Variants in PLS1 observed in about 807,000 individuals in gnomAD.
The protein encoded by PLS1 is plastin 1, also known as plastin-1.
Under a neutral mutation model 73.7 loss-of-function variants are expected in PLS1, and 32 were observed. That is an observed-to-expected ratio of 0.43 (90% CI 0.33 to 0.58). PLS1 has a LOEUF of 0.58. PLS1 is among the 20% of genes least tolerant of loss of function. The pLI is 0.04. For missense variants in PLS1, 633 were observed against 740.5 expected (o/e 0.85, Z 1.68); for synonymous variants, 217 against 261.3 (o/e 0.83, Z 1.63).
intron 6 of PLS1, among the ~76,000 whole-genome samples, chr3:142,679,301 T>G (rs1318203942): frequency 2.1e-4 from 31 of 150,240 alleles, no homozygotes; most frequent in Non-Finnish European, 4.2e-4. Flanking sequence ...GTCAATTTTG[T>G]CTTTTGTTGC....
rs1933200152 is a variant in PLS1 at position 142,712,874 on chromosome 3, T to C, written c.*867T>C. ...TATCTGATACATTAAGATTTCTTTT[T>C]ATAAGTATTCATTTTGAATGTGCAT... On this transcript the variant is annotated 3_prime_UTR_variant, in exon 16 of 16. Coordinates refer to ENST00000457734, the MANE Select transcript of PLS1 (RefSeq NM_001145319.2). 6.6e-6 allele frequency: 1 copy of C among 152,602 alleles called. No homozygotes were observed. Among genetic ancestry groups the C allele is most frequent in the Non-Finnish European group, 1.5e-5 (1 of 67,986 alleles). 9.5% of individuals were successfully genotyped at this position (152,602 alleles called of 1,614,324 possible). A position where few individuals can be genotyped will look rare whatever the true frequency, so the allele number is the denominator to read the frequency against.
chr3:142,606,324 A>C (rs2036017149), intron 1 of PLS1, among the ~76,000 whole-genome samples: 1 of 152,192 alleles, frequency 6.6e-6, no homozygotes, highest in Non-Finnish European at 1.5e-5. Flanking sequence ...TAAGGGTATT[A>C]CTAAAGCAAG....
At chr3:142,631,325 C>T (rs958611515) in intron 1 of PLS1, among the ~76,000 whole-genome samples, 1 of 151,828 alleles carries the variant, frequency 6.6e-6, no homozygotes, top group Non-Finnish European at 1.5e-5. Context: ...ATCAGTCTGG[C>T]CAACATGGTG....
intron 14 of PLS1, among the ~76,000 whole-genome samples, chr3:142,706,179 A>C (rs901334760): frequency 1.3e-5 from 2 of 152,234 alleles, no homozygotes; most frequent in African/African-American, 4.8e-5. Context: ...AGAAAAAGGC[A>C]TAAAGTATAG....
chr3:142,692,520 A>C (rs1225258197), intron 10 of PLS1, among the ~76,000 whole-genome samples: 1 of 152,130 alleles, frequency 6.6e-6, no homozygotes, highest in Non-Finnish European at 1.5e-5. Context: ...ATTTACCAAG[A>C]CACTTTGAAA....
chr3:142,659,167 G>A (rs997595258), intron 1 of PLS1, among the ~76,000 whole-genome samples: 5 of 152,120 alleles, frequency 3.3e-5, no homozygotes, highest in South Asian at 4.2e-4. Context: ...ATTTCTAGAC[G>A]AGGAAGAATA....
At chr3:142,634,051 C>T (rs1265592383) in intron 1 of PLS1, among the ~76,000 whole-genome samples, 1 of 152,024 alleles carries the variant, frequency 6.6e-6, no homozygotes, top group East Asian at 1.9e-4. Context: ...ATACAATGGA[C>T]AGGATTAAGG....
intron 4 of PLS1, 145 bp downstream of exon 4, chr3:142,671,267 T>C: frequency 2.9e-6 from 2 of 691,512 alleles, no homozygotes; most frequent in Non-Finnish European, 5.1e-6. Flanking sequence ...CAGACCACAG[T>C]ATAACATGCC....
At position 142,694,551 on chromosome 3, in the gene PLS1, A is replaced by C. The variant is rs953748002; in HGVS notation, c.1256+4A>C. 1 of 1,542,342 alleles carries C rather than the reference A, an allele frequency of 6.5e-7. No individual in the cohort carries two copies. Among genetic ancestry groups the C allele is most frequent in the Admixed American group, 1.7e-5 (1 of 59,414 alleles). On this transcript the variant is annotated splice_donor_region_variant and intron_variant, in intron 11 of 15. Transcript: ENST00000457734. Reference sequence around the variant, plus strand: ...CATACATTAATCATTTGTACAGGTAAATATTTTATTGTGCTTCAGCTTTAC... The same window carrying C: ...CATACATTAATCATTTGTACAGGTACATATTTTATTGTGCTTCAGCTTTAC...
At chr3:142,611,493 G>A (rs1391881113) in intron 1 of PLS1, among the ~76,000 whole-genome samples, 1 of 152,158 alleles carries the variant, frequency 6.6e-6, no homozygotes, top group Non-Finnish European at 1.5e-5. Context: ...ATTGTGGCAT[G>A]TGCCTGTAGT....
intron 1 of PLS1, among the ~76,000 whole-genome samples, chr3:142,602,606 C>G (rs576607317): frequency 1.3e-5 from 2 of 152,020 alleles, no homozygotes; most frequent in African/African-American, 4.8e-5. Flanking sequence ...AAGGCCCCCC[C>G]CACCCCATAG....
At chr3:142,616,465 T>C (rs912147419) in intron 1 of PLS1, among the ~76,000 whole-genome samples, 2 of 152,156 alleles carry the variant, frequency 1.3e-5, no homozygotes, top group Non-Finnish European at 2.9e-5. Context: ...AGATTTTTAG[T>C]CTCTGATTTG....
At chr3:142,680,095 T>C (rs1478587929) in intron 6 of PLS1, among the ~76,000 whole-genome samples, 2 of 152,186 alleles carry the variant, frequency 1.3e-5, no homozygotes, top group Admixed American at 1.3e-4. Context: ...AAAAACTGTT[T>C]TTTAAAGAGA....
chr3:142,688,057 C>T (rs1005190017), intron 9 of PLS1, among the ~76,000 whole-genome samples: 13 of 151,712 alleles, frequency 8.6e-5, no homozygotes, highest in Admixed American at 6.6e-4. Flanking sequence ...AAGTGATTCT[C>T]CTACCTCCAC....
intron 1 of PLS1, among the ~76,000 whole-genome samples, chr3:142,599,992 C>G (rs773865106): frequency 3.3e-5 from 5 of 152,066 alleles, no homozygotes; most frequent in Non-Finnish European, 7.3e-5. Flanking sequence ...AATTCTTTGG[C>G]CTGCCTCAGC....
intron 1 of PLS1, among the ~76,000 whole-genome samples, chr3:142,641,492 TTC>T (rs1477459944): frequency 6.6e-6 from 1 of 151,702 alleles, no homozygotes; most frequent in African/African-American, 2.4e-5. Flanking sequence ...TTTAAACATT[TTC>T]TGTTTTTATG....
chr3:142,687,846 TC>T (rs1250295241), intron 9 of PLS1, among the ~76,000 whole-genome samples: 6 of 152,228 alleles, frequency 3.9e-5, no homozygotes, highest in African/African-American at 1.4e-4. Context: ...CATCAAAATA[TC>T]TAGTCAATGT....
At chr3:142,650,808 T>C (rs1457214012) in intron 1 of PLS1, among the ~76,000 whole-genome samples, 2 of 152,186 alleles carry the variant, frequency 1.3e-5, no homozygotes, top group Admixed American at 6.5e-5. Context: ...TACTCATGTG[T>C]TGAATTTTCC....
chr3:142,691,992 T>C (rs1398449559), intron 10 of PLS1, among the ~76,000 whole-genome samples: 1 of 152,164 alleles, frequency 6.6e-6, no homozygotes, highest in African/African-American at 2.4e-5. Flanking sequence ...ATAGTTCCAC[T>C]ATTTAATCTG....
Sources: allele counts gnomAD v4.1 joint callset (sites outside exome capture counted in the v4.1 genomes callset), GRCh38; gene constraint gnomAD v4.1.1; transcripts MANE v1.5; gene names NCBI Gene and HGNC (gene_info 2026-07-23, HGNC 2026-07-21).